Variants in SLC7A11 observed in about 807,000 individuals in gnomAD.
The protein encoded by SLC7A11 is cystine/glutamate transporter.
A neutral mutation model predicts 54.5 loss-of-function variants in SLC7A11; 35 were observed. That is an observed-to-expected ratio of 0.64 (90% confidence interval 0.49 to 0.85). The LOEUF is 0.85. Ranked by LOEUF, SLC7A11 falls within the 40% of genes least tolerant of loss-of-function variation. The probability of loss-of-function intolerance (pLI) is 0.00; values close to 1 mark genes in which losing one functional copy is unlikely to be tolerated. For missense variants in SLC7A11, 583 were observed against 618.1 expected (o/e 0.94, Z 0.60); for synonymous variants, 230 against 225.2 (o/e 1.02, Z -0.19).
At chr4:138,221,192 A>T (rs1737800826) in intron 4 of SLC7A11, among the ~76,000 whole-genome samples, 2 of 152,340 alleles carry the variant, frequency 1.3e-5, no homozygotes, top group East Asian at 1.9e-4. Context: ...AAAGATCTTC[A>T]AAAGTGCCAT....
chr4:138,195,279 T>A (rs1263464053), intron 6 of SLC7A11, among the ~76,000 whole-genome samples: 1 of 152,224 alleles, frequency 6.6e-6, no homozygotes, highest in Non-Finnish European at 1.5e-5. Flanking sequence ...AGTCACTGTA[T>A]CTTACAACCT....
chr4:138,208,998 C>G (rs1737477732), intron 6 of SLC7A11, among the ~76,000 whole-genome samples: 1 of 152,010 alleles, frequency 6.6e-6, no homozygotes, highest in African/African-American at 2.4e-5. Flanking sequence ...TGTCCTATAC[C>G]ACCTACTTAT....
Position 138,170,271 on chromosome 4 carries a change from T to TATATATATATATACAC in SLC7A11, c.*1684_*1685insGTGTATATATATATAT, listed in dbSNP as rs752680028. Reference sequence around the variant, plus strand: ...GTGTGTATATATATATATATATATATACACACACACACACACACACACATA... The same window carrying TATATATATATATACAC: ...GTGTGTATATATATATATATATATATATATATATATATACACACACACACACACACACACACACATA... On this transcript the variant is annotated 3_prime_UTR_variant, in exon 12 of 12. Coordinates refer to ENST00000280612, the MANE Select transcript of SLC7A11 (RefSeq NM_014331.4). The TATATATATATATACAC allele has an allele frequency of 8.7e-4, 75 of 86,224 alleles. No individual in the cohort carries two copies. Among genetic ancestry groups the TATATATATATATACAC allele is most frequent in the South Asian group, 1.6e-3 (3 of 1,880 alleles). 5.3% of individuals were successfully genotyped at this position (86,224 alleles called of 1,614,324 possible). A position where few individuals can be genotyped will look rare whatever the true frequency, so the allele number is the denominator to read the frequency against.
At chr4:138,234,013 C>A (rs1453007802) in intron 2 of SLC7A11, among the ~76,000 whole-genome samples, 1 of 152,190 alleles carries the variant, frequency 6.6e-6, no homozygotes, top group East Asian at 1.9e-4. Flanking sequence ...CATACTGAAG[C>A]CCTTGGCCTG....
At chr4:138,184,875 C>CAA (rs2148414993) in intron 7 of SLC7A11, among the ~76,000 whole-genome samples, 1 of 152,168 alleles carries the variant, frequency 6.6e-6, no homozygotes, top group East Asian at 1.9e-4. Context: ...GGCAGATTTT[C>CAA]AAGCATGTAT....
At chr4:138,238,244 G>A (rs1468130860) in intron 1 of SLC7A11, among the ~76,000 whole-genome samples, 3 of 152,160 alleles carry the variant, frequency 2.0e-5, no homozygotes, top group African/African-American at 4.8e-5. Context: ...AAGGAGTTGT[G>A]TGTATAAATG....
intron 11 of SLC7A11, among the ~76,000 whole-genome samples, chr4:138,178,729 T>G (rs1198574287): frequency 6.6e-6 from 1 of 152,156 alleles, no homozygotes; most frequent in Non-Finnish European, 1.5e-5. Context: ...TATTGTTCTC[T>G]CCATTGTTCT....
At chr4:138,217,790 T>C (rs898580081) in intron 5 of SLC7A11, among the ~76,000 whole-genome samples, 2 of 152,182 alleles carry the variant, frequency 1.3e-5, no homozygotes, top group Admixed American at 1.3e-4. Flanking sequence ...GTAGCTTGGC[T>C]TCAGCCCCAG....
Position 138,164,281 on chromosome 4 carries a change from C to T in SLC7A11, c.*7675G>A, listed in dbSNP as rs1736195765. ...CATCATATTGCACCAAAATTTATTC[C>T]ATACAAAAGCACATGCATCAAGAGT... On this transcript the variant is annotated 3_prime_UTR_variant, in exon 12 of 12. Coordinates refer to ENST00000280612, the MANE Select transcript of SLC7A11 (RefSeq NM_014331.4). 1 of 152,004 alleles carries T rather than the reference C, an allele frequency of 6.6e-6. No individual in the cohort carries two copies. The highest frequency in any genetic ancestry group is 2.1e-4 in the South Asian group (1 of 4,822). The allele number at this position is 152,004 out of a possible 1,614,324, so 9.4% of individuals were successfully genotyped here. A position where few individuals can be genotyped will look rare whatever the true frequency, so the allele number is the denominator to read the frequency against.
At chr4:138,208,688 T>C (rs1205184888) in intron 6 of SLC7A11, among the ~76,000 whole-genome samples, 1 of 152,082 alleles carries the variant, frequency 6.6e-6, no homozygotes, top group Non-Finnish European at 1.5e-5. Flanking sequence ...TTCTATCATC[T>C]TCATGGTCCA....
At chr4:138,218,903 C>T (rs755156691) in intron 5 of SLC7A11, among the ~76,000 whole-genome samples, 19 of 152,124 alleles carry the variant, frequency 1.2e-4, no homozygotes, top group Non-Finnish European at 2.2e-4. Flanking sequence ...GGAGCTTTAG[C>T]TGAAAGGCCT....
intron 11 of SLC7A11, among the ~76,000 whole-genome samples, chr4:138,173,318 C>T (rs890025866): frequency 3.9e-5 from 6 of 151,948 alleles, no homozygotes; most frequent in Non-Finnish European, 8.8e-5. Flanking sequence ...CCTTTCAAGC[C>T]ATATTTAATG....
In SLC7A11 at chr4:138,172,008, G is replaced by C; in HGVS notation, c.1454C>G (p.Thr485Ser). The change falls in exon 12 of 12, where the codon ACC becomes AGC. Residue 485 changes from threonine to serine, a missense_variant. Physicochemically the swap from Thr to Ser is moderately conservative, Grantham distance 58. Coordinates refer to ENST00000280612, the MANE Select transcript of SLC7A11 (RefSeq NM_014331.4). ...TTCCAGTATTATTTGTAATGTTCTG[G>C]TTATTTTCTCTACAAAGAAATAAAA... is the stretch of plus-strand genomic sequence containing the variant. The part of the protein sequence containing the change: ...RWFRIMSEKI[T>S]RTLQIILEVV... 1 of 1,590,234 alleles carries C rather than the reference G, an allele frequency of 6.3e-7. No homozygotes were observed. The highest frequency in any genetic ancestry group is 8.5e-7 in the Non-Finnish European group (1 of 1,171,728).
At chr4:138,202,373 A>T (rs2148428707) in intron 6 of SLC7A11, among the ~76,000 whole-genome samples, 1 of 152,160 alleles carries the variant, frequency 6.6e-6, no homozygotes, top group South Asian at 2.1e-4. Context: ...GTAATAACTA[A>T]GTTTCCATTT....
intron 6 of SLC7A11, among the ~76,000 whole-genome samples, chr4:138,194,358 C>T (rs1203649554): frequency 6.6e-6 from 1 of 152,110 alleles, no homozygotes; most frequent in African/African-American, 2.4e-5. Flanking sequence ...TATCTTTCAG[C>T]TCAAAAGTTA....
At position 138,232,383 on chromosome 4, in the gene SLC7A11, C is replaced by A; in HGVS notation, c.405-1G>T. The A allele has an allele frequency of 6.4e-7, 1 of 1,560,016 alleles. No homozygotes were observed. ...GGATATCACAGCAGTAGCTGCAGGG[C>A]TAAAAAAAAATGTATATATTTAGGT... On this transcript the variant is annotated splice_acceptor_variant, in intron 2 of 11. Coordinates refer to ENST00000280612, the MANE Select transcript of SLC7A11 (RefSeq NM_014331.4). LOFTEE classifies it high-confidence loss of function.
chr4:138,173,079 G>A (rs1343057625), intron 11 of SLC7A11, among the ~76,000 whole-genome samples: 1 of 152,082 alleles, frequency 6.6e-6, no homozygotes, highest in Non-Finnish European at 1.5e-5. Context: ...CTGGCCTCAA[G>A]TGATTTGCCT....
At chr4:138,179,578 C>T (rs1399212005) in intron 10 of SLC7A11, among the ~76,000 whole-genome samples, 184 bp from the exon 11 acceptor site, 2 of 152,152 alleles carry the variant, frequency 1.3e-5, no homozygotes, top group African/African-American at 2.4e-5. Flanking sequence ...ATGTATTAAA[C>T]GTACTCCCTT....
At chr4:138,214,554 T>C (rs1486993386) in intron 6 of SLC7A11, 31 bp downstream of exon 6, 1 of 1,341,852 alleles carries the variant, frequency 7.5e-7, no homozygotes, top group Non-Finnish European at 1.0e-6. Flanking sequence ...TTATTCTTCA[T>C]AAAAATTTCA....
Sources: gnomAD v4.1 joint callset for allele counts (sites outside exome capture counted in the v4.1 genomes callset) on GRCh38, gnomAD v4.1.1 for gene constraint, MANE v1.5 for transcripts, NCBI Gene and HGNC (gene_info 2026-07-23, HGNC 2026-07-21) for gene names.